CD28: variants seen among roughly 807,000 people sequenced by gnomAD.
CD28 encodes the protein T-cell-specific surface glycoprotein CD28.
Under a neutral mutation model 21.4 loss-of-function variants are expected in CD28, and 8 were observed. The ratio of observed to expected loss-of-function variants is 0.37; its 90% CI spans 0.22 to 0.68. The LOEUF (loss-of-function observed/expected upper bound fraction) is 0.68. Ranked by LOEUF, CD28 falls within the 30% of genes least tolerant of loss-of-function variation. The pLI is 0.55. For synonymous variants in CD28, 106 were observed against 104.0 expected, an observed-to-expected ratio of 1.02 and a Z score of -0.12; for missense variants, 239 against 272.2, an observed-to-expected ratio of 0.88 and a Z score of 0.86.
In CD28 at chr2:203,735,046, C is replaced by T. The variant is rs192635437; in HGVS notation, c.*134C>T. On this transcript the variant is annotated 3_prime_UTR_variant, in exon 4 of 4. Coordinates refer to ENST00000324106, the MANE Select transcript of CD28 (RefSeq NM_006139.4). ...TTGGGCCACCAATGCCAATTTTTCT[C>T]GAGTGACTAGACCAAATATCAAGAT... The T allele has an allele frequency of 3.8e-5, 38 of 993,122 alleles. 1 individual carries two copies. Among genetic ancestry groups the T allele is most frequent in the East Asian group, 2.0e-4 (8 of 40,192 alleles). 61.5% of individuals were successfully genotyped at this position (993,122 alleles called of 1,614,324 possible).
chr2:203,707,367 C>G (rs1347983301), intron 1 of CD28, among the ~76,000 whole-genome samples: 1 of 152,000 alleles, frequency 6.6e-6, no homozygotes, highest in Non-Finnish European at 1.5e-5. Context: ...AACCTCACCT[C>G]AAGGTCATTG....
In CD28 at chr2:203,724,257, T is replaced by C. The variant is rs1581510476; in HGVS notation, c.53-2376T>C. ...AGGAAGCAGGGTGATGGTAAATGGG[T>C]ATGGTATTTCTTTATGGAGTAATGA... On this transcript the variant is annotated intron_variant, in intron 1 of 3. Coordinates refer to ENST00000324106, the MANE Select transcript of CD28 (RefSeq NM_006139.4). Among the ~76,000 whole-genome samples the C allele has an allele frequency of 4.6e-5, 7 of 152,210 alleles. 1 individual carries two copies. Among genetic ancestry groups the C allele is most frequent in the Admixed American group, 4.6e-4 (7 of 15,286 alleles).
Position 203,726,798 on chromosome 2 carries a change from C to T in CD28, c.218C>T (p.Ser73Phe). 1 of 1,614,126 alleles carries T rather than the reference C, an allele frequency of 6.2e-7. No homozygotes were observed. The highest frequency in any genetic ancestry group is 8.5e-7 in the Non-Finnish European group (1 of 1,180,028). ...GTCTGTGTTGTATATGGGAATTACT[C>T]CCAGCAGCTTCAGGTTTACTCAAAA... ...VEVCVVYGNY[S>F]QQLQVYSKTG... Residue 73 changes from serine to phenylalanine, a missense_variant, in exon 2 of 4, where the codon TCC becomes TTC. Physicochemically the swap from Ser to Phe is radical, Grantham distance 155. Coordinates refer to ENST00000324106, the MANE Select transcript of CD28 (RefSeq NM_006139.4).
chr2:203,706,552 T>C, upstream of CD28: 2 of 1,568,234 alleles, frequency 1.3e-6, no homozygotes, highest in Non-Finnish European at 1.7e-6. Context: ...GCCTTGATCA[T>C]GTGCCCTAAG....
At chr2:203,710,582 A>T (rs1693285989) in intron 1 of CD28, among the ~76,000 whole-genome samples, 1 of 152,174 alleles carries the variant, frequency 6.6e-6, no homozygotes, top group Admixed American at 6.5e-5. Flanking sequence ...GAGAAATGCC[A>T]TATGATTACC....
chr2:203,709,509 T>C lies in CD28; in HGVS notation c.52+2761T>C, dbSNP rs547237622. On this transcript the variant is annotated intron_variant, in intron 1 of 3. Transcript: ENST00000324106. ...AGTTGGATGACAGTGTAGAGAGATA[T>C]TTATGGCTAAGTTAAAGAAGTGTGA... Among the ~76,000 whole-genome samples, 6 of 152,304 alleles carry C rather than the reference T, an allele frequency of 3.9e-5. No individual in the cohort carries two copies. In the South Asian group the frequency reaches 1.0e-3, roughly 26 times the overall value.
At chr2:203,713,194 T>C (rs780769413) in intron 1 of CD28, among the ~76,000 whole-genome samples, 7 of 152,250 alleles carry the variant, frequency 4.6e-5, no homozygotes, top group Admixed American at 3.3e-4. Context: ...AAGCAAAGGA[T>C]AGAATACTGG....
chr2:203,725,748 G>A (rs1375242135), intron 1 of CD28, among the ~76,000 whole-genome samples: 1 of 152,150 alleles, frequency 6.6e-6, no homozygotes, highest in Non-Finnish European at 1.5e-5. Flanking sequence ...GAATTTCTTG[G>A]GGAGGCTATT....
chr2:203,713,324 C>T (rs1311799099), intron 1 of CD28, among the ~76,000 whole-genome samples: 3 of 151,968 alleles, frequency 2.0e-5, no homozygotes, highest in African/African-American at 4.8e-5. Context: ...GATGGCTAGT[C>T]GAAAGGAGAG....
intron 1 of CD28, among the ~76,000 whole-genome samples, chr2:203,707,128 G>C (rs1456351731): frequency 6.6e-6 from 1 of 151,868 alleles, no homozygotes; most frequent in Non-Finnish European, 1.5e-5. Context: ...ACAGGCATGA[G>C]CTACCATGCC....
intron 1 of CD28, among the ~76,000 whole-genome samples, chr2:203,707,159 A>G (rs977450449): frequency 2.6e-5 from 4 of 151,940 alleles, no homozygotes; most frequent in Admixed American, 1.3e-4. Flanking sequence ...TTTTTAATTT[A>G]TGTATCGTTT....
intron 3 of CD28, among the ~76,000 whole-genome samples, chr2:203,730,373 T>A (rs1369207445): frequency 6.6e-6 from 1 of 152,202 alleles, no homozygotes; most frequent in African/African-American, 2.4e-5. Flanking sequence ...GTACTAACTT[T>A]TGCAAATGTT....
intron 1 of CD28, 70 bp downstream of exon 1, chr2:203,706,818 A>T: frequency 3.3e-6 from 4 of 1,202,002 alleles, no homozygotes; most frequent in Non-Finnish European, 4.9e-6. Flanking sequence ...AGTTTATTTT[A>T]AATTTCTAAC....
chr2:203,729,886 T>C, intron 3 of CD28, 114 bp downstream of exon 3: 1 of 1,079,416 alleles, frequency 9.3e-7, no homozygotes, highest in South Asian at 1.6e-5. Flanking sequence ...ATGATGATTT[T>C]CTTTTCCCCA....
intron 1 of CD28, among the ~76,000 whole-genome samples, chr2:203,723,423 G>A (rs1340556126): frequency 6.6e-6 from 1 of 151,790 alleles, no homozygotes; most frequent in East Asian, 1.9e-4. Context: ...GGTGGCAGAG[G>A]CTGCAGTGAG....
chr2:203,726,568 TG>T (rs1352111563), intron 1 of CD28, 64 bp from the exon 2 acceptor site: 27 of 1,142,964 alleles, frequency 2.4e-5, no homozygotes, highest in Non-Finnish European at 3.3e-5. Flanking sequence ...TAATATATTT[TG>T]CTCTCAGGAA....
At chr2:203,719,171 CTAAA>C (rs1448821597) in intron 1 of CD28, among the ~76,000 whole-genome samples, 7 of 152,158 alleles carry the variant, frequency 4.6e-5, no homozygotes, top group African/African-American at 1.7e-4. Flanking sequence ...TCCTAGATGT[CTAAA>C]TAAATAAATT....
intron 1 of CD28, among the ~76,000 whole-genome samples, chr2:203,721,655 C>G (rs1262114665): frequency 6.6e-6 from 1 of 152,160 alleles, no homozygotes; most frequent in Non-Finnish European, 1.5e-5. Context: ...TCCTTCAGGA[C>G]TCAGGTCAGC....
intron 2 of CD28, among the ~76,000 whole-genome samples, chr2:203,727,654 A>ATATT (rs1170621016): frequency 1.5e-4 from 20 of 130,112 alleles, no homozygotes; most frequent in Admixed American, 4.0e-4. Context: ...TATTTTTTGT[A>ATATT]TATTTATTTA....
Sources: allele counts gnomAD v4.1 joint callset (sites outside exome capture counted in the v4.1 genomes callset), GRCh38; gene constraint gnomAD v4.1.1; transcripts MANE v1.5; gene names NCBI Gene and HGNC (gene_info 2026-07-23, HGNC 2026-07-21).